The following TRIML2 variants were observed in gnomAD, a reference collection of about 807,000 sequenced individuals.
TRIML2 encodes the protein tripartite motif family like 2.
In TRIML2, 28 loss-of-function variants were observed where a neutral mutation model predicts 31.2. The observed-to-expected ratio is 0.90, with a 90% confidence interval of 0.66 to 1.23. The LOEUF is 1.23. Among genes scored for constraint, TRIML2 ranks in the 50% most tolerant of loss-of-function variants. TRIML2 has a pLI of 0.00. For missense variants in TRIML2, 536 were observed against 528.3 expected, an observed-to-expected ratio of 1.01 and a Z score of -0.14; for synonymous variants, 187 against 197.5, an observed-to-expected ratio of 0.95 and a Z score of 0.45.
At chr4:188,092,713 T>C (rs1733322411) in intron 7 of TRIML2, 11 of 451,652 alleles carry the variant, frequency 2.4e-5, no homozygotes, top group South Asian at 1.7e-4. Flanking sequence ...CAACAGGCCC[T>C]GGACATCAGG....
intron 4 of TRIML2, among the ~76,000 whole-genome samples, chr4:188,100,072 T>C (rs901317328): frequency 6.6e-6 from 1 of 152,180 alleles, no homozygotes; most frequent in Non-Finnish European, 1.5e-5. Context: ...TCCTTATTCA[T>C]ATACACAGAG....
intron 7 of TRIML2, among the ~76,000 whole-genome samples, chr4:188,094,509 G>T (rs988045881): frequency 6.6e-6 from 1 of 152,150 alleles, no homozygotes; most frequent in Non-Finnish European, 1.5e-5. Context: ...ATGTCAATTA[G>T]AAATTGATAT....
chr4:188,107,388 T>A (rs1433807119), intron 1 of TRIML2, among the ~76,000 whole-genome samples: 6 of 152,200 alleles, frequency 3.9e-5, no homozygotes, highest in Non-Finnish European at 8.8e-5. Context: ...ATATTAACGC[T>A]CATAAACAAA....
At chr4:188,104,544 G>A (rs1294434273) in intron 3 of TRIML2, among the ~76,000 whole-genome samples, 2 of 151,910 alleles carry the variant, frequency 1.3e-5, no homozygotes, top group Non-Finnish European at 2.9e-5. Context: ...TGTATTTTTA[G>A]TAGAGATGGG....
chr4:188,103,285 C>A (rs1473844232), intron 3 of TRIML2, among the ~76,000 whole-genome samples: 1 of 152,138 alleles, frequency 6.6e-6, no homozygotes, highest in African/African-American at 2.4e-5. Context: ...CAGGCATGAG[C>A]CACCACGACC....
intron 1 of TRIML2, among the ~76,000 whole-genome samples, chr4:188,108,736 T>C (rs938094202): frequency 3.3e-5 from 5 of 152,204 alleles, no homozygotes; most frequent in Admixed American, 6.5e-5. Context: ...AGCTGCCTCT[T>C]CTTTCTTCTC....
intron 5 of TRIML2, chr4:188,098,124 A>C (rs77035135): frequency 9.7e-5 from 10 of 103,592 alleles, no homozygotes; most frequent in African/African-American, 3.8e-4. Flanking sequence ...CGTCTCGGGG[A>C]AAAAAAAAAA....
chr4:188,098,288 T>C (rs1560950017), intron 5 of TRIML2: 1 of 453,392 alleles, frequency 2.2e-6, no homozygotes, highest in South Asian at 1.6e-5. Context: ...CACTGGCAGA[T>C]TCAGTGTCCG....
At chr4:188,108,453 G>A (rs1734127076) in intron 1 of TRIML2, among the ~76,000 whole-genome samples, 1 of 151,986 alleles carries the variant, frequency 6.6e-6, no homozygotes, top group Non-Finnish European at 1.5e-5. Context: ...ATTCTGTCCT[G>A]CCCTCCTCGT....
At chr4:188,092,077 G>A (rs1444737154) in intron 7 of TRIML2, 136 bp from the exon 8 acceptor site, 5 of 852,884 alleles carry the variant, frequency 5.9e-6, no homozygotes, top group South Asian at 1.8e-5. Flanking sequence ...CAATTTGGGA[G>A]GGTCCAGGAA....
At chr4:188,108,133 T>C (rs1228238974) in intron 1 of TRIML2, among the ~76,000 whole-genome samples, 1 of 152,130 alleles carries the variant, frequency 6.6e-6, no homozygotes, top group Non-Finnish European at 1.5e-5. Context: ...CTCCGTGGCC[T>C]TTTCTGGTCC....
intron 3 of TRIML2, among the ~76,000 whole-genome samples, chr4:188,103,167 C>T (rs1733879513): frequency 6.6e-6 from 1 of 151,844 alleles, no homozygotes; most frequent in South Asian, 2.1e-4. Flanking sequence ...CACCTGCCAC[C>T]ACACCCGATT....
chr4:188,105,004 C>T (rs1733965862), intron 2 of TRIML2, 72 bp from the exon 3 acceptor site: 1 of 1,446,924 alleles, frequency 6.9e-7, no homozygotes, highest in Non-Finnish European at 9.7e-7. Context: ...CTTAAACAGC[C>T]AACAACTCTG....
chr4:188,097,617 G>C (rs1371848322), intron 5 of TRIML2, among the ~76,000 whole-genome samples: 1 of 152,098 alleles, frequency 6.6e-6, no homozygotes, highest in East Asian at 1.9e-4. Flanking sequence ...GTCTTCAGAC[G>C]GGAGCATCTA....
intron 3 of TRIML2, among the ~76,000 whole-genome samples, chr4:188,102,254 G>A (rs1230198404): frequency 1.3e-5 from 2 of 152,070 alleles, no homozygotes; most frequent in Non-Finnish European, 2.9e-5. Context: ...CTGATGCTTG[G>A]GTAAGAGTTG....
In TRIML2 at chr4:188,097,319, C is replaced by T. The variant is rs1733562606; in HGVS notation, c.644+5G>A. 6.2e-7 allele frequency: 1 copy of T among 1,613,828 alleles called. No homozygotes were observed. The highest frequency in any genetic ancestry group is 1.7e-5 in the Admixed American group (1 of 59,964). On this transcript the variant is annotated splice_donor_5th_base_variant and intron_variant, in intron 6 of 7. Transcript: ENST00000682553. ...CACCCAATTGTATCCAAAATGAAAA[C>T]TCACCTTTCTAAAGAGTATTTTGCA...
At chr4:188,107,966 ACT>A (rs1171909972) in intron 1 of TRIML2, among the ~76,000 whole-genome samples, 5 of 152,060 alleles carry the variant, frequency 3.3e-5, no homozygotes, top group African/African-American at 1.2e-4. Flanking sequence ...GTCCGAGATG[ACT>A]CCACTGAGTC....
At chr4:188,098,123 GAA>G (rs527418962) in intron 5 of TRIML2, 2,959 of 207,086 alleles carry the variant, frequency 0.014, 1 homozygote, top group South Asian at 0.029. Flanking sequence ...CCGTCTCGGG[GAA>G]AAAAAAAAAA....
At chr4:188,103,019 T>TGG (rs1560954286) in intron 3 of TRIML2, among the ~76,000 whole-genome samples, 1 of 136,832 alleles carries the variant, frequency 7.3e-6, no homozygotes, top group Non-Finnish European at 1.6e-5. Context: ...TTTTTTTTTT[T>TGG]TTTTTTTTTT....
Sources: gnomAD v4.1 joint callset for allele counts (sites outside exome capture counted in the v4.1 genomes callset) on GRCh38, gnomAD v4.1.1 for gene constraint, MANE v1.5 for transcripts, NCBI Gene and HGNC (gene_info 2026-07-23, HGNC 2026-07-21) for gene names.